Variants in STXBP5L observed in about 807,000 individuals in gnomAD.
STXBP5L encodes syntaxin-binding protein 5-like.
A neutral mutation model predicts 144.5 loss-of-function variants in STXBP5L; 65 were observed. The observed-to-expected ratio is 0.45, with a 90% CI of 0.37 to 0.55. STXBP5L has a LOEUF of 0.55. Among genes scored for constraint, STXBP5L ranks in the 20% least tolerant of loss-of-function variants. The pLI, the probability that STXBP5L is intolerant of heterozygous loss-of-function variation, is 0.00. For synonymous variants in STXBP5L, 505 were observed against 469.6 expected (o/e 1.08, Z -0.97); for missense variants, 1,298 against 1,405.5 (o/e 0.92, Z 1.22).
At chr3:121,008,341 A>T (rs1331394696) in intron 3 of STXBP5L, among the ~76,000 whole-genome samples, 4 of 151,956 alleles carry the variant, frequency 2.6e-5, no homozygotes, top group African/African-American at 4.8e-5. Context: ...CCTTAGGTTT[A>T]CTGTAATTCT....
chr3:121,058,662 G>A (rs1366260809), intron 5 of STXBP5L, among the ~76,000 whole-genome samples: 1 of 152,120 alleles, frequency 6.6e-6, no homozygotes, highest in Non-Finnish European at 1.5e-5. Flanking sequence ...TTTAATCATA[G>A]CCATTCTAAC....
At chr3:121,216,153 G>A (rs1164591868) in intron 10 of STXBP5L, among the ~76,000 whole-genome samples, 1 of 152,096 alleles carries the variant, frequency 6.6e-6, no homozygotes, top group Admixed American at 6.6e-5. Flanking sequence ...CTTTAGCTCA[G>A]AGGATTTTGT....
chr3:121,299,681 C>T (rs1412710600), intron 19 of STXBP5L, among the ~76,000 whole-genome samples: 4 of 151,870 alleles, frequency 2.6e-5, no homozygotes. Flanking sequence ...GCTCAAAACA[C>T]CCTAAACTAG....
chr3:121,360,652 A>G, intron 20 of STXBP5L, among the ~76,000 whole-genome samples: 1 of 152,104 alleles, frequency 6.6e-6, no homozygotes, highest in East Asian at 1.9e-4. Flanking sequence ...ATTTGCATAA[A>G]CCAACAGTGA....
At chr3:121,291,307 TAA>T (rs982901366) in intron 19 of STXBP5L, among the ~76,000 whole-genome samples, 1 of 151,404 alleles carries the variant, frequency 6.6e-6, no homozygotes, top group Non-Finnish European at 1.5e-5. Context: ...ACAACAGCTG[TAA>T]AAAAAATAAA....
At chr3:121,145,061 T>C (rs1228170101) in intron 7 of STXBP5L, among the ~76,000 whole-genome samples, 1 of 151,896 alleles carries the variant, frequency 6.6e-6, no homozygotes, top group Non-Finnish European at 1.5e-5. Flanking sequence ...GCAAGCTTGA[T>C]TGATGTATAA....
chr3:121,048,340 T>C (rs1404772854), intron 5 of STXBP5L, among the ~76,000 whole-genome samples: 1 of 152,176 alleles, frequency 6.6e-6, no homozygotes, highest in African/African-American at 2.4e-5. Context: ...GGTCTTTTTG[T>C]GTAGTATCTC....
At chr3:121,084,439 T>C (rs943316244) in intron 5 of STXBP5L, among the ~76,000 whole-genome samples, 2 of 152,180 alleles carry the variant, frequency 1.3e-5, no homozygotes, top group African/African-American at 4.8e-5. Context: ...CTCCCACTTA[T>C]AAGTGAGAAC....
chr3:121,063,147 A>G (rs1456096780), intron 5 of STXBP5L, among the ~76,000 whole-genome samples: 1 of 152,156 alleles, frequency 6.6e-6, no homozygotes. Flanking sequence ...TTGTGGATTT[A>G]TCTACCTTTG....
chr3:121,040,252 G>A (rs1947056166), intron 3 of STXBP5L, among the ~76,000 whole-genome samples: 5 of 151,992 alleles, frequency 3.3e-5, no homozygotes, highest in Admixed American at 3.3e-4. Flanking sequence ...ATGCAGTTAA[G>A]CTATGTGGAA....
chr3:121,366,835 T>C (rs1387695459), intron 20 of STXBP5L, among the ~76,000 whole-genome samples: 1 of 152,140 alleles, frequency 6.6e-6, no homozygotes, highest in African/African-American at 2.4e-5. Flanking sequence ...TATTACTGTT[T>C]GTGTGTGGTC....
At chr3:120,933,288 A>G (rs1003517752) in intron 2 of STXBP5L, among the ~76,000 whole-genome samples, 8 of 152,184 alleles carry the variant, frequency 5.3e-5, no homozygotes, top group African/African-American at 1.9e-4. Flanking sequence ...AGTTGACTAT[A>G]ATATTCTGAT....
chr3:121,068,678 A>G (rs1222957680), intron 5 of STXBP5L, among the ~76,000 whole-genome samples: 2 of 152,016 alleles, frequency 1.3e-5, no homozygotes, highest in African/African-American at 4.8e-5. Context: ...CATCCGTTTT[A>G]AACCCTATAA....
chr3:121,317,703 G>A (rs1191275009), intron 19 of STXBP5L, among the ~76,000 whole-genome samples: 2 of 152,044 alleles, frequency 1.3e-5, no homozygotes, highest in East Asian at 1.9e-4. Flanking sequence ...ATACAGATTG[G>A]CAAGTAGAAA....
intron 5 of STXBP5L, among the ~76,000 whole-genome samples, chr3:121,056,303 A>G (rs1358066662): frequency 1.3e-5 from 2 of 152,164 alleles, no homozygotes; most frequent in Non-Finnish European, 2.9e-5. Flanking sequence ...TGGAGAAAGC[A>G]TAGAGTTGTT....
intron 5 of STXBP5L, among the ~76,000 whole-genome samples, chr3:121,113,666 C>CTTTTTTTTTTTTTTTTTTTTTTTTTTTT: frequency 7.5e-6 from 1 of 132,902 alleles, no homozygotes; most frequent in African/African-American, 2.8e-5. Flanking sequence ...ATTCTTTTTT[C>CTTTTTTTTTTTTTTTTTTTTTTTTTTTT]TTTTTCTTTT....
intron 7 of STXBP5L, among the ~76,000 whole-genome samples, chr3:121,129,247 G>A (rs73189344): frequency 0.036 from 5,401 of 152,038 alleles, 148 homozygotes; most frequent in Middle Eastern, 0.082. Flanking sequence ...GTAATTAGAG[G>A]CACATAGTGG....
intron 19 of STXBP5L, chr3:121,282,218 T>C (rs762227886): frequency 3.2e-6 from 5 of 1,583,588 alleles, no homozygotes; most frequent in South Asian, 2.2e-5. Context: ...CTTTTTTTTC[T>C]CTTTCTTCTG....
intron 3 of STXBP5L, among the ~76,000 whole-genome samples, chr3:120,975,333 G>T (rs904452185): frequency 6.6e-6 from 1 of 152,040 alleles, no homozygotes; most frequent in African/African-American, 2.4e-5. Flanking sequence ...CTCATGATTT[G>T]GCTCTTTGTT....
Sources: gnomAD v4.1 joint callset for allele counts (sites outside exome capture counted in the v4.1 genomes callset) on GRCh38, gnomAD v4.1.1 for gene constraint, MANE v1.5 for transcripts, NCBI Gene and HGNC (gene_info 2026-07-23, HGNC 2026-07-21) for gene names.